The following MGAT5 variants were observed in gnomAD, a reference collection of about 807,000 sequenced individuals.
MGAT5 encodes alpha-1,6-mannosylglycoprotein 6-beta-N-acetylglucosaminyltransferase A.
A neutral mutation model predicts 94.3 loss-of-function variants in MGAT5; 30 were observed. That is an observed-to-expected ratio of 0.32 (90% CI 0.24 to 0.43). MGAT5 has a LOEUF of 0.43. Ranked by LOEUF, MGAT5 falls within the 20% of genes least tolerant of loss-of-function variation. The pLI is 1.00. For synonymous variants in MGAT5, 310 were observed against 322.9 expected, an observed-to-expected ratio of 0.96 and a Z score of 0.43; for missense variants, 691 against 905.5, an observed-to-expected ratio of 0.76 and a Z score of 3.04.
At position 134,231,976 on chromosome 2, in the gene MGAT5, G is replaced by A. The variant is rs149244747; in HGVS notation, c.-142-22286G>A. Among the ~76,000 whole-genome samples the A allele has an allele frequency of 3.3e-3, 505 of 152,210 alleles. 9 individuals are homozygous for A. The highest frequency in any genetic ancestry group is 0.027 in the Admixed American group (409 of 15,292). ...TACTATTGCTCTGTGGAAGCTTCAG[G>A]CAGCCATCCTCCCTCACAAACCAGC... is the stretch of plus-strand genomic sequence containing the variant. On this transcript the variant is annotated intron_variant, in intron 1 of 16. Transcript: ENST00000409645.
chr2:134,278,084 G>T (rs574950921), intron 2 of MGAT5, among the ~76,000 whole-genome samples: 292 of 152,264 alleles, frequency 1.9e-3, no homozygotes, highest in African/African-American at 6.7e-3. Flanking sequence ...CCTCAGCTGT[G>T]TCCTCTCAGG....
chr2:134,317,724 TG>T (rs1351830120), intron 3 of MGAT5, 119 bp downstream of exon 3: 3 of 595,716 alleles, frequency 5.0e-6, no homozygotes, highest in Non-Finnish European at 8.1e-6. Flanking sequence ...GGATCATTTA[TG>T]GGGTGCCTCC....
At chr2:134,188,206 A>C (rs1008849114) in intron 1 of MGAT5, among the ~76,000 whole-genome samples, 4 of 152,258 alleles carry the variant, frequency 2.6e-5, no homozygotes, top group Non-Finnish European at 5.9e-5. Flanking sequence ...AATCGGCATG[A>C]GGCCATTCTG....
chr2:134,425,325 G>T (rs185373358), intron 13 of MGAT5, among the ~76,000 whole-genome samples: 28 of 151,660 alleles, frequency 1.8e-4, no homozygotes, highest in East Asian at 3.9e-4. Context: ...ACGTTCAGGG[G>T]TTTTTTTTCT....
At chr2:134,119,936 G>C (rs1005818108), upstream of MGAT5, 3 of 152,058 alleles carry the variant, frequency 2.0e-5, no homozygotes, top group Non-Finnish European at 4.4e-5. Context: ...CTGCCTTCTA[G>C]AGCCGCGAGC....
intron 2 of MGAT5, among the ~76,000 whole-genome samples, chr2:134,312,844 A>G (rs1428186040): frequency 6.6e-6 from 1 of 152,132 alleles, no homozygotes; most frequent in African/African-American, 2.4e-5. Flanking sequence ...TGAGGTAACC[A>G]TCTTCCTTTT....
At chr2:134,367,319 A>G (rs1366754947) in intron 10 of MGAT5, among the ~76,000 whole-genome samples, 1 of 152,234 alleles carries the variant, frequency 6.6e-6, no homozygotes, top group African/African-American at 2.4e-5. Flanking sequence ...CTATGAGGAA[A>G]TGGAAAATAT....
At chr2:134,178,500 C>G (rs530720344) in intron 1 of MGAT5, among the ~76,000 whole-genome samples, 1 of 152,304 alleles carries the variant, frequency 6.6e-6, no homozygotes, top group Non-Finnish European at 1.5e-5. Flanking sequence ...GCACCTTCCC[C>G]TCCCAGCTTC....
At chr2:134,441,201 G>C (rs1685469627) in intron 14 of MGAT5, among the ~76,000 whole-genome samples, 1 of 152,218 alleles carries the variant, frequency 6.6e-6, no homozygotes, top group South Asian at 2.1e-4. Flanking sequence ...GGTGGTGTCA[G>C]AAGTGTCTGC....
At position 134,182,024 on chromosome 2, in the gene MGAT5, G is replaced by A. The variant is rs75984926; in HGVS notation, c.-143+61733G>A. ...AGGAGATTTTATGTGTGATTAAAAT[G>A]TAAAACGGTGAAGAAGTGAACTGTG... On this transcript the variant is annotated intron_variant, in intron 1 of 16. Transcript: ENST00000409645. 7.8e-3 allele frequency among the ~76,000 whole-genome samples: 1,187 copies of A among 152,322 alleles called. 20 individuals are homozygous for A. Among genetic ancestry groups the A allele is most frequent in the African/African-American group, 0.027 (1,134 of 41,574 alleles).
intron 1 of MGAT5, among the ~76,000 whole-genome samples, chr2:134,206,857 G>A (rs1680043661): frequency 1.3e-5 from 2 of 152,312 alleles, no homozygotes; most frequent in African/African-American, 2.4e-5. Context: ...TCTGGAGGGA[G>A]CACGGCCCTG....
At position 134,449,873 on chromosome 2, in the gene MGAT5, TG is replaced by T. The variant is rs1686007060; in HGVS notation, c.*1027del. 6.6e-6 allele frequency: 1 copy of T among 152,370 alleles called. No individual in the cohort carries two copies. The highest frequency in any genetic ancestry group is 2.4e-5 in the African/African-American group (1 of 41,448). 9.4% of individuals were successfully genotyped at this position (152,370 alleles called of 1,614,324 possible). A position where few individuals can be genotyped will look rare whatever the true frequency, so the allele number is the denominator to read the frequency against. On this transcript the variant is annotated 3_prime_UTR_variant, in exon 16 of 16. Coordinates refer to ENST00000281923, the MANE Select transcript of MGAT5 (RefSeq NM_002410.5). ...GGGCTCCTGACAGGTGGGCTTGTGT[TG>T]TGTCCCCTCTGATGGCACCAAAGTC...
intron 6 of MGAT5, among the ~76,000 whole-genome samples, chr2:134,338,733 A>T (rs1688471534): frequency 6.6e-6 from 1 of 152,124 alleles, no homozygotes; most frequent in South Asian, 2.1e-4. Context: ...CCAACCTTCG[A>T]GAGCTTCCTA....
rs1688060258 is a variant in MGAT5 at position 134,332,793 on chromosome 2, T to G, written c.574-3424T>G. Among the ~76,000 whole-genome samples the G allele has an allele frequency of 2.0e-5, 3 of 152,218 alleles. 1 individual carries two copies. In the South Asian group the frequency reaches 6.2e-4, roughly 31 times the overall value. On this transcript the variant is annotated intron_variant, in intron 4 of 15. Coordinates refer to ENST00000281923, the MANE Select transcript of MGAT5 (RefSeq NM_002410.5). ...GGCGAAGGACATGAACAGGCACTTC[T>G]CAAAAGAAGACATTTATGCAGCCAA...
chr2:134,128,672 C>T (rs534921291), intron 1 of MGAT5, among the ~76,000 whole-genome samples: 2 of 152,194 alleles, frequency 1.3e-5, no homozygotes, highest in Admixed American at 6.5e-5. Flanking sequence ...GATTCTCTTG[C>T]CTCAGCTTCT....
chr2:134,235,769 A>G (rs938032810), intron 1 of MGAT5, among the ~76,000 whole-genome samples: 5 of 148,668 alleles, frequency 3.4e-5, no homozygotes, highest in African/African-American at 1.3e-4. Context: ...AGTATTTTTA[A>G]TGGGCTTATA....
intron 1 of MGAT5, among the ~76,000 whole-genome samples, chr2:134,258,652 G>T (rs796423720): frequency 2.6e-5 from 4 of 152,098 alleles, no homozygotes; most frequent in Admixed American, 6.5e-5. Context: ...TCTCTTTCAC[G>T]CCTGTGTTTG....
At chr2:134,212,865 A>G (rs889451797) in intron 1 of MGAT5, among the ~76,000 whole-genome samples, 2 of 152,206 alleles carry the variant, frequency 1.3e-5, no homozygotes, top group African/African-American at 4.8e-5. Flanking sequence ...GAGAGGGAAG[A>G]TATCAGTAAG....
At chr2:134,333,624 C>G (rs574226812) in intron 4 of MGAT5, among the ~76,000 whole-genome samples, 2 of 151,954 alleles carry the variant, frequency 1.3e-5, no homozygotes, top group South Asian at 2.1e-4. Flanking sequence ...TGGGGCTCAC[C>G]TTGGGGTCCA....
Sources: gnomAD v4.1 joint callset for allele counts (sites outside exome capture counted in the v4.1 genomes callset) on GRCh38, gnomAD v4.1.1 for gene constraint, MANE v1.5 for transcripts, NCBI Gene and HGNC (gene_info 2026-07-23, HGNC 2026-07-21) for gene names.